The following HMGB1 variants were observed in gnomAD, a reference collection of about 807,000 sequenced individuals.
HMGB1 encodes high mobility group protein B1.
For synonymous variants in HMGB1, 81 were observed against 84.0 expected (o/e 0.96, Z 0.19); for missense variants, 79 against 253.5 (o/e 0.31, Z 4.67).
At chr13:30,568,506 T>C (rs1472949222) in intron 1 of HMGB1, among the ~76,000 whole-genome samples, 9 of 151,598 alleles carry the variant, frequency 5.9e-5, no homozygotes, top group Admixed American at 5.9e-4. Context: ...AGACTCCCTG[T>C]CTCAGGAGAA....
chr13:30,463,639 T>C lies in HMGB1; in HGVS notation c.42A>G (p.Ser14=), dbSNP rs768138916. ...GDPKKPRGKM[S]SYAFFVQTCR... The stretch of plus-strand genomic sequence containing the variant: ...AAGTTTGCACAAAAAATGCATATGA[T>C]GACATTTTGCCTCTCGGCTTCTTAG... The change falls in exon 2 of 5, where the codon TCA becomes TCG. Residue 14 remains serine, a synonymous_variant. Coordinates refer to ENST00000341423, the MANE Select transcript of HMGB1 (RefSeq NM_002128.7). The C allele has an allele frequency of 8.8e-6, 14 of 1,588,610 alleles. No homozygotes were observed. The highest frequency in any genetic ancestry group is 3.4e-5 in the Admixed American group (2 of 59,418).
chr13:30,571,282 C>CA, intron 1 of HMGB1, among the ~76,000 whole-genome samples: 1 of 145,808 alleles, frequency 6.9e-6, no homozygotes, highest in African/African-American at 2.5e-5. Context: ...CCAGGATTAG[C>CA]AAAAAAATGG....
chr13:30,515,026 G>T (rs1888072849), intron 1 of HMGB1, among the ~76,000 whole-genome samples: 1 of 152,218 alleles, frequency 6.6e-6, no homozygotes, highest in African/African-American at 2.4e-5. Context: ...AGATTACCCA[G>T]GTGGGCCTGA....
intron 1 of HMGB1, among the ~76,000 whole-genome samples, chr13:30,557,143 T>C (rs542970444): frequency 6.6e-6 from 1 of 152,358 alleles, no homozygotes; most frequent in South Asian, 2.1e-4. Context: ...TCAAAAATCA[T>C]AGCTTTTATG....
At chr13:30,541,599 C>T (rs1387368147) in intron 1 of HMGB1, 1 of 153,166 alleles carries the variant, frequency 6.5e-6, no homozygotes, top group East Asian at 1.9e-4. Context: ...GAGATTTCCC[C>T]TTGAGTTCCA....
chr13:30,496,899 C>T (rs968907069), intron 1 of HMGB1, among the ~76,000 whole-genome samples: 2 of 152,044 alleles, frequency 1.3e-5, no homozygotes, highest in African/African-American at 2.4e-5. Context: ...CCACACACAC[C>T]GCCCACCAAT....
At chr13:30,514,528 T>C (rs976756926) in intron 1 of HMGB1, among the ~76,000 whole-genome samples, 3 of 151,934 alleles carry the variant, frequency 2.0e-5, no homozygotes, top group Non-Finnish European at 4.4e-5. Context: ...ATCAATCTTT[T>C]TCCATTGACA....
exon 1 of HMGB1, chr13:30,616,852 G>A (rs1441286712): frequency 6.6e-6 from 1 of 152,110 alleles, no homozygotes; most frequent in Non-Finnish European, 1.5e-5. Context: ...TTTAGTTTGA[G>A]ACCACTAAAA....
chr13:30,508,082 T>C (rs748218386), intron 1 of HMGB1, among the ~76,000 whole-genome samples: 2 of 152,202 alleles, frequency 1.3e-5, no homozygotes, highest in Non-Finnish European at 2.9e-5. Context: ...CATATCATAC[T>C]GGATGAAAAA....
At chr13:30,579,743 C>T (rs945806771) in intron 1 of HMGB1, among the ~76,000 whole-genome samples, 2 of 152,026 alleles carry the variant, frequency 1.3e-5, no homozygotes, top group Non-Finnish European at 2.9e-5. Context: ...TAAATCTTAG[C>T]AATGATGATG....
chr13:30,492,324 A>G (rs1482830022), intron 1 of HMGB1, among the ~76,000 whole-genome samples: 1 of 151,884 alleles, frequency 6.6e-6, no homozygotes, highest in Non-Finnish European at 1.5e-5. Flanking sequence ...CCTCATCTCA[A>G]AAAAAAATTA....
At chr13:30,556,573 A>C (rs1005750675) in intron 1 of HMGB1, among the ~76,000 whole-genome samples, 1 of 152,234 alleles carries the variant, frequency 6.6e-6, no homozygotes. Flanking sequence ...AGTATTATTC[A>C]GCCATAAAAA....
rs147261634 is a variant in HMGB1, at chr13:30,522,564, A to G, written c.-14-58870T>C. 4.9e-4 allele frequency among the ~76,000 whole-genome samples: 74 copies of G among 152,260 alleles called. 1 individual carries two copies. The East Asian group carries it at 0.013, about 26-fold the overall frequency. The stretch of plus-strand genomic sequence containing the variant: ...GACTGGGTGCAGAAATGCTGTCAGG[A>G]CATAGTATGACAACACCACTTTAGG... On this transcript the variant is annotated intron_variant, in intron 1 of 4. Transcript: ENST00000405805.
chr13:30,518,175 T>TA (rs5802571), intron 1 of HMGB1, among the ~76,000 whole-genome samples: 6,243 of 151,270 alleles, frequency 0.041, 390 homozygotes, highest in African/African-American at 0.14. Context: ...CTACTAAAAA[T>TA]AAAAATAAAA....
intron 1 of HMGB1, among the ~76,000 whole-genome samples, chr13:30,471,747 C>T (rs1166520849): frequency 7.0e-6 from 1 of 142,192 alleles, no homozygotes; most frequent in Admixed American, 7.4e-5. Context: ...CGGCTCACTG[C>T]AACGTCCACC....
At chr13:30,529,109 T>A (rs1178715298) in intron 1 of HMGB1, among the ~76,000 whole-genome samples, 1 of 150,336 alleles carries the variant, frequency 6.7e-6, no homozygotes, top group Non-Finnish European at 1.5e-5. Flanking sequence ...TCCTTTATAA[T>A]TCGGTATTTC....
chr13:30,599,850 G>A (rs1456884574), intron 1 of HMGB1, among the ~76,000 whole-genome samples: 2 of 152,164 alleles, frequency 1.3e-5, no homozygotes, highest in African/African-American at 4.8e-5. Context: ...AATTGGGGGT[G>A]GGGCACAATT....
intron 1 of HMGB1, among the ~76,000 whole-genome samples, chr13:30,476,180 T>C (rs1887093627): frequency 7.7e-6 from 1 of 129,250 alleles, no homozygotes; most frequent in Admixed American, 7.7e-5. Flanking sequence ...TTTTTTTATT[T>C]TGAGACAGAG....
intron 1 of HMGB1, among the ~76,000 whole-genome samples, chr13:30,523,340 C>A (rs1200728978): frequency 6.6e-6 from 1 of 152,184 alleles, no homozygotes; most frequent in Non-Finnish European, 1.5e-5. Context: ...AGCACCACTC[C>A]TTCCTAGTCA....
Sources: allele counts gnomAD v4.1 joint callset (sites outside exome capture counted in the v4.1 genomes callset), GRCh38; gene constraint gnomAD v4.1.1; transcripts MANE v1.5; gene names NCBI Gene and HGNC (gene_info 2026-07-23, HGNC 2026-07-21).